The following CORO2B variants were observed in gnomAD, a reference collection of about 807,000 sequenced individuals.
The protein encoded by CORO2B is coronin 2B.
A neutral mutation model predicts 58.8 loss-of-function variants in CORO2B; 26 were observed. The observed-to-expected ratio is 0.44, with a 90% CI of 0.32 to 0.61. The LOEUF is 0.61. Among genes scored for constraint, CORO2B ranks in the 20% least tolerant of loss-of-function variants. The pLI is 0.04. For missense variants in CORO2B, 460 were observed against 645.1 expected, an observed-to-expected ratio of 0.71 and a Z score of 3.11; for synonymous variants, 242 against 253.8, an observed-to-expected ratio of 0.95 and a Z score of 0.44.
chr15:68,632,445 G>A lies in CORO2B; in HGVS notation c.16-12715G>A, dbSNP rs567892122. 405 of 984,738 alleles carry A rather than the reference G, an allele frequency of 4.1e-4. 1 individual carries two copies. The highest frequency in any genetic ancestry group is 4.8e-4 in the Non-Finnish European group (396 of 829,300). The allele number at this position is 984,738 out of a possible 1,614,324, so 61.0% of individuals were successfully genotyped here. A position where few individuals can be genotyped will look rare whatever the true frequency, so the allele number is the denominator to read the frequency against. ...GCTAACACGGAGAGACAGAAGTTGA[G>A]AAACGTCCTCTCTCAACAATTCTGG... On this transcript the variant is annotated intron_variant, in intron 1 of 11. Transcript: ENST00000261861.
chr15:68,559,544 C>G, the CORO2B span: 22 of 980,790 alleles, frequency 2.2e-5, no homozygotes, highest in South Asian at 1.0e-3. This position sits in a 1 kb window ranked among gnomAD's most constrained non-coding sequence, Gnocchi z 4.3. Context: ...CGAAGTTGAC[C>G]GTGCCAAGCC....
chr15:68,718,040 G>T (rs913321534), intron 8 of CORO2B, among the ~76,000 whole-genome samples: 1 of 152,178 alleles, frequency 6.6e-6, no homozygotes, highest in African/African-American at 2.4e-5. Context: ...CTCAAACCCC[G>T]TTGGTCCACC....
chr15:68,559,721 G>A, the CORO2B span: 2 of 839,548 alleles, frequency 2.4e-6, no homozygotes, highest in Non-Finnish European at 2.9e-6. The surrounding 1 kb of genome is among the most constrained non-coding windows in gnomAD (Gnocchi z 4.3). Flanking sequence ...CAGGGGGACT[G>A]TCGGTGAGGC....
At chr15:68,556,646 C>T in the CORO2B span, among the ~76,000 whole-genome samples, 1 of 152,232 alleles carries the variant, frequency 6.6e-6, no homozygotes, top group Non-Finnish European at 1.5e-5. Context: ...TGAGTTCCCA[C>T]TTTATTTCCA....
chr15:68,530,152 G>A, the CORO2B span, among the ~76,000 whole-genome samples: 5 of 152,064 alleles, frequency 3.3e-5, no homozygotes, highest in South Asian at 2.1e-4. Flanking sequence ...GTGAAACCCC[G>A]TCTCTACTGA....
At chr15:68,641,642 T>C (rs56215615) in intron 1 of CORO2B, 11,077 of 962,002 alleles carry the variant, frequency 0.012, 77 homozygotes, top group Non-Finnish European at 0.013. Flanking sequence ...GGTCAGCATG[T>C]CCTGTGCTGG....
intron 3 of CORO2B, among the ~76,000 whole-genome samples, chr15:68,703,889 A>G (rs1202023397): frequency 3.3e-5 from 5 of 152,064 alleles, no homozygotes; most frequent in Non-Finnish European, 5.9e-5. Flanking sequence ...CGGGCAACAA[A>G]GTGCACATGA....
chr15:68,581,560 G>C (rs1048850112), intron 1 of CORO2B, among the ~76,000 whole-genome samples: 10 of 152,116 alleles, frequency 6.6e-5, no homozygotes, highest in African/African-American at 2.4e-4. Flanking sequence ...TTCCATCCTT[G>C]GGCCTCTGTT....
In CORO2B at chr15:68,657,900, TAAAATC is replaced by T. The variant is rs1225648986; in HGVS notation, c.216+12542_216+12547del. 1.4e-4 allele frequency among the ~76,000 whole-genome samples: 21 copies of T among 152,244 alleles called. No individual in the cohort carries two copies. The East Asian group carries it at 4.1e-3, about 29-fold the overall frequency. On this transcript the variant is annotated intron_variant, in intron 2 of 11. Coordinates refer to ENST00000261861, the MANE Select transcript of CORO2B (RefSeq NM_006091.5). ...CCACTCAGATTAAAGACCTTGGAAA[TAAAATC>T]AGAGGGAAATATTATTGTATAAAAT... is the stretch of plus-strand genomic sequence containing the variant.
At chr15:68,647,063 G>A (rs142899966) in intron 2 of CORO2B, among the ~76,000 whole-genome samples, 1 of 152,228 alleles carries the variant, frequency 6.6e-6, no homozygotes, top group African/African-American at 2.4e-5. Context: ...GGGTCAACAA[G>A]CAATACCTCA....
the CORO2B span, among the ~76,000 whole-genome samples, chr15:68,558,188 C>T: frequency 3.9e-5 from 6 of 152,226 alleles, no homozygotes; most frequent in African/African-American, 7.2e-5. Context: ...TGTTCTGACC[C>T]GCTGCAGGAC....
intron 2 of CORO2B, among the ~76,000 whole-genome samples, chr15:68,664,609 T>G (rs975520360): frequency 1.3e-5 from 2 of 152,028 alleles, no homozygotes; most frequent in East Asian, 3.9e-4. Context: ...ATTGTGCCAC[T>G]GTACTCCAGC....
chr15:68,649,097 C>T (rs1595988955), intron 2 of CORO2B, among the ~76,000 whole-genome samples: 1 of 152,140 alleles, frequency 6.6e-6, no homozygotes, highest in East Asian at 1.9e-4. Context: ...AAATGTTTTA[C>T]ACTGTCAGTA....
At chr15:68,530,041 A>G in the CORO2B span, among the ~76,000 whole-genome samples, 1 of 152,138 alleles carries the variant, frequency 6.6e-6, no homozygotes, top group African/African-American at 2.4e-5. Context: ...ATATGCTGAG[A>G]CGGCCGGGCA....
At chr15:68,679,347 C>T (rs1256755596) in intron 2 of CORO2B, among the ~76,000 whole-genome samples, 1 of 152,178 alleles carries the variant, frequency 6.6e-6, no homozygotes, top group African/African-American at 2.4e-5. Context: ...TGAGCACATG[C>T]ACCGGGGCAG....
Position 68,711,658 on chromosome 15 carries a change from G to A in CORO2B, c.600G>A (p.Lys200=), listed in dbSNP as rs750406670. 2 of 1,614,096 alleles carry A rather than the reference G, an allele frequency of 1.2e-6. No individual in the cohort carries two copies. The highest frequency in any genetic ancestry group is 8.5e-7 in the Non-Finnish European group (1 of 1,179,982). Residue 200 remains lysine (K), a synonymous_variant, in exon 5 of 12, where the codon AAG becomes AAA. Transcript: ENST00000261861. ...GCAGCCTGCTCACCACCACGTGCAA[G>A]GACAAGAAGCTGCGTGTGATTGAGC... ...TDGSLLTTTC[K]DKKLRVIEPR... is the part of the protein sequence containing the mutation.
At chr15:68,618,967 A>G (rs1341212109) in intron 1 of CORO2B, among the ~76,000 whole-genome samples, 3 of 152,194 alleles carry the variant, frequency 2.0e-5, no homozygotes, top group Admixed American at 6.5e-5. Flanking sequence ...GGAGAGGATC[A>G]CAGTGGCATC....
chr15:68,592,562 A>G (rs187251600), intron 1 of CORO2B, among the ~76,000 whole-genome samples: 6 of 152,338 alleles, frequency 3.9e-5, no homozygotes, highest in Admixed American at 3.3e-4. Flanking sequence ...CATGTTATAT[A>G]TATTTTACAT....
chr15:68,619,913 T>C (rs1900470393), intron 1 of CORO2B, among the ~76,000 whole-genome samples: 1 of 152,014 alleles, frequency 6.6e-6, no homozygotes, highest in South Asian at 2.1e-4. Context: ...AGTCATGTTT[T>C]TTTTATTTTT....
Sources: gnomAD v4.1 joint callset for allele counts (sites outside exome capture counted in the v4.1 genomes callset) on GRCh38, gnomAD v4.1.1 for gene constraint, Gnocchi (gnomAD v3.1) non-coding constraint, MANE v1.5 for transcripts, NCBI Gene and HGNC (gene_info 2026-07-23, HGNC 2026-07-21) for gene names.